Variants in CDH4 observed in about 807,000 individuals in gnomAD.
CDH4 encodes cadherin 4.
CDH4 carries 33 observed loss-of-function variants against 86.0 expected under a neutral mutation model. That is an observed-to-expected ratio of 0.38 (90% CI 0.29 to 0.51). The LOEUF (loss-of-function observed/expected upper bound fraction) is 0.51. CDH4 is among the 20% of genes least tolerant of loss of function. The pLI, the probability that CDH4 is intolerant of heterozygous loss-of-function variation, is 0.86. For missense variants in CDH4, 1,114 were observed against 1,307.4 expected, an observed-to-expected ratio of 0.85 and a Z score of 2.28; for synonymous variants, 555 against 549.4, an observed-to-expected ratio of 1.01 and a Z score of -0.14.
chr20:61,483,984 G>C (rs564431399), intron 2 of CDH4, among the ~76,000 whole-genome samples: 22 of 152,274 alleles, frequency 1.4e-4, no homozygotes, highest in African/African-American at 5.1e-4. Flanking sequence ...GCCACTTGCA[G>C]ATGTGTCTCT....
rs903214764 is a variant in CDH4, at chr20:61,573,772, A to C, written c.170-169791A>C. On this transcript the variant is annotated intron_variant, in intron 2 of 15. Coordinates refer to ENST00000614565, the MANE Select transcript of CDH4 (RefSeq NM_001794.5). ...TGGGCCCTCCCATGGCAGAAATCCC[A>C]TCACATGGCAGCTACGGCTGTGTAT... Among the ~76,000 whole-genome samples, 3 of 152,206 alleles carry C rather than the reference A, an allele frequency of 2.0e-5. No homozygotes were observed. In the South Asian group the frequency reaches 6.2e-4, roughly 32 times the overall value.
At chr20:61,920,623 TGTG>T (rs1322662230) in intron 9 of CDH4, among the ~76,000 whole-genome samples, 8 of 125,318 alleles carry the variant, frequency 6.4e-5, no homozygotes, top group Admixed American at 4.7e-4. Flanking sequence ...TGCATGGAAG[TGTG>T]GTGTCACAGT....
At chr20:61,540,032 G>A (rs566228656) in intron 2 of CDH4, among the ~76,000 whole-genome samples, 10 of 152,282 alleles carry the variant, frequency 6.6e-5, no homozygotes, top group Admixed American at 2.0e-4. Context: ...GAGGCAATTC[G>A]ATCCGATTGG....
intron 2 of CDH4, chr20:61,437,616 A>C (rs1600682573): frequency 1.3e-5 from 2 of 152,258 alleles, no homozygotes; most frequent in Admixed American, 1.3e-4. Flanking sequence ...TTACAAATGG[A>C]TCGTCAGTGT....
chr20:61,276,031 G>A (rs1322433773), intron 2 of CDH4, among the ~76,000 whole-genome samples: 6 of 152,146 alleles, frequency 3.9e-5, no homozygotes, highest in Admixed American at 2.6e-4. Flanking sequence ...CAGCGGGTTC[G>A]TTATGCAGGA....
chr20:61,409,520 G>T (rs1170605242), intron 2 of CDH4, among the ~76,000 whole-genome samples: 1 of 152,220 alleles, frequency 6.6e-6, no homozygotes, highest in Non-Finnish European at 1.5e-5. Flanking sequence ...CACACCCGGG[G>T]CCGCCTGGGC....
intron 2 of CDH4, among the ~76,000 whole-genome samples, chr20:61,419,629 C>T (rs2085166404): frequency 1.3e-5 from 2 of 151,984 alleles, no homozygotes; most frequent in African/African-American, 4.8e-5. Context: ...CCCACCCTCC[C>T]CTCTTCTGCA....
chr20:61,451,682 C>CG (rs1203644018), intron 2 of CDH4, among the ~76,000 whole-genome samples: 5 of 151,518 alleles, frequency 3.3e-5, no homozygotes, highest in Non-Finnish European at 5.9e-5. Context: ...GGGAGGAGGG[C>CG]ACTAAAGAGA....
intron 2 of CDH4, among the ~76,000 whole-genome samples, chr20:61,641,079 G>A (rs1384878554): frequency 1.3e-5 from 2 of 152,184 alleles, no homozygotes; most frequent in Admixed American, 6.5e-5. Context: ...GTTTTCCCCA[G>A]CCCTGTGCTG....
chr20:61,767,336 C>G (rs1275234267), intron 3 of CDH4, among the ~76,000 whole-genome samples: 1 of 152,200 alleles, frequency 6.6e-6, no homozygotes, highest in Non-Finnish European at 1.5e-5. Flanking sequence ...GGCCCTGCTG[C>G]CCCCACCGGG....
rs747546917 is a variant in CDH4 at position 61,332,202 on chromosome 20, C to T, written c.169+77265C>T. On this transcript the variant is annotated intron_variant, in intron 2 of 15. Coordinates refer to ENST00000614565, the MANE Select transcript of CDH4 (RefSeq NM_001794.5). Reference sequence around the variant, plus strand: ...ACTCCTCCAGGAGACAGGCTTTGGACGTCCATCAGGAAGGAGCTAGCAAAT... The same window carrying T: ...ACTCCTCCAGGAGACAGGCTTTGGATGTCCATCAGGAAGGAGCTAGCAAAT... Among the ~76,000 whole-genome samples, 9 of 152,310 alleles carry T rather than the reference C, an allele frequency of 5.9e-5. No individual in the cohort carries two copies. The South Asian group carries it at 1.5e-3, about 25-fold the overall frequency.
At chr20:61,764,642 G>A (rs1232380855) in intron 3 of CDH4, among the ~76,000 whole-genome samples, 1 of 152,162 alleles carries the variant, frequency 6.6e-6, no homozygotes, top group South Asian at 2.1e-4. Context: ...CTCCACTTAT[G>A]CATGGGGCTT....
At chr20:61,531,966 G>A (rs572197553) in intron 2 of CDH4, among the ~76,000 whole-genome samples, 13 of 152,372 alleles carry the variant, frequency 8.5e-5, no homozygotes, top group South Asian at 4.1e-4. Context: ...GTGAGGAAAC[G>A]AGGTGGCTTC....
At chr20:61,462,951 C>A (rs972411213) in intron 2 of CDH4, among the ~76,000 whole-genome samples, 1 of 152,178 alleles carries the variant, frequency 6.6e-6, no homozygotes, top group African/African-American at 2.4e-5. Context: ...TCATCTAAAT[C>A]TCACCTTGAA....
At chr20:61,613,113 T>A (rs373426211) in intron 2 of CDH4, among the ~76,000 whole-genome samples, 2 of 152,200 alleles carry the variant, frequency 1.3e-5, no homozygotes, top group East Asian at 3.9e-4. Context: ...CGTCTCTTCA[T>A]CTTTTCTCAC....
At chr20:61,486,697 C>T (rs141105052) in intron 2 of CDH4, among the ~76,000 whole-genome samples, 168 of 151,410 alleles carry the variant, frequency 1.1e-3, no homozygotes, top group Non-Finnish European at 1.6e-3. Context: ...CGAGACTAGC[C>T]TGAACAACAT....
intron 2 of CDH4, among the ~76,000 whole-genome samples, chr20:61,637,970 G>A (rs1225189403): frequency 6.6e-6 from 1 of 150,924 alleles, no homozygotes; most frequent in Non-Finnish European, 1.5e-5. Context: ...GGCGGAGGCT[G>A]CAGTGAGCCG....
Position 61,810,463 on chromosome 20 carries a change from T to C in CDH4, c.577-34205T>C, listed in dbSNP as rs959301841. ...TCTGACCCGGGTTCTCAGACCCAAG[T>C]TCTGACCCACTCTGCTCACCCGCAG... On this transcript the variant is annotated intron_variant, in intron 4 of 15. Coordinates refer to ENST00000614565, the MANE Select transcript of CDH4 (RefSeq NM_001794.5). The surrounding 1 kb of genome is among the most constrained non-coding windows in gnomAD (Gnocchi z 4.3). Among the ~76,000 whole-genome samples the C allele has an allele frequency of 6.6e-6, 1 of 152,108 alleles. No individual in the cohort carries two copies. The highest frequency in any genetic ancestry group is 2.4e-5 in the African/African-American group (1 of 41,418).
intron 3 of CDH4, among the ~76,000 whole-genome samples, chr20:61,767,415 G>A (rs934799422): frequency 6.6e-6 from 1 of 152,224 alleles, no homozygotes; most frequent in Non-Finnish European, 1.5e-5. Flanking sequence ...AGCAGGTCCG[G>A]GGTGGCACCA....
Sources: allele counts gnomAD v4.1 joint callset (sites outside exome capture counted in the v4.1 genomes callset), GRCh38; gene constraint gnomAD v4.1.1; non-coding constraint Gnocchi (gnomAD v3.1); transcripts MANE v1.5; gene names NCBI Gene and HGNC (gene_info 2026-07-23, HGNC 2026-07-21).